The following CCSER2 variants were observed in gnomAD, a reference collection of about 807,000 sequenced individuals.
The protein encoded by CCSER2 is serine-rich coiled-coil domain-containing protein 2.
Under a neutral mutation model 92.3 loss-of-function variants are expected in CCSER2, and 46 were observed. The ratio of observed to expected loss-of-function variants is 0.50; its 90% CI spans 0.39 to 0.64. The LOEUF is 0.64. Among genes scored for constraint, CCSER2 ranks in the 30% least tolerant of loss-of-function variants. The pLI is 0.00. For synonymous variants in CCSER2, 433 were observed against 431.4 expected, an observed-to-expected ratio of 1.00 and a Z score of -0.04; for missense variants, 1,244 against 1,238.9, an observed-to-expected ratio of 1.00 and a Z score of -0.06.
chr10:84,424,665 G>T (rs1043041772), intron 4 of CCSER2, among the ~76,000 whole-genome samples: 2 of 145,320 alleles, frequency 1.4e-5, no homozygotes, highest in Non-Finnish European at 3.0e-5. Flanking sequence ...AATAAGCGAG[G>T]TTTTTTTTTT....
intron 3 of CCSER2, among the ~76,000 whole-genome samples, chr10:84,409,865 T>A (rs1322471421): frequency 6.6e-6 from 1 of 152,192 alleles, no homozygotes; most frequent in Non-Finnish European, 1.5e-5. Flanking sequence ...ATCATCCAGG[T>A]ATTAAGCCCA....
chr10:84,344,225 G>A (rs1028402828), intron 1 of CCSER2, among the ~76,000 whole-genome samples: 3 of 152,042 alleles, frequency 2.0e-5, no homozygotes, highest in South Asian at 2.1e-4. Context: ...TATTTGTGCC[G>A]TCAAAGAAAA....
At chr10:84,401,490 T>C (rs1842117971) in intron 3 of CCSER2, among the ~76,000 whole-genome samples, 1 of 152,168 alleles carries the variant, frequency 6.6e-6, no homozygotes, top group Non-Finnish European at 1.5e-5. Flanking sequence ...TTCACCCAAG[T>C]TGAAATAGAT....
chr10:84,481,012 T>C (rs1263246572), intron 9 of CCSER2, among the ~76,000 whole-genome samples: 2 of 152,234 alleles, frequency 1.3e-5, no homozygotes, highest in African/African-American at 4.8e-5. Context: ...CAGTTTTTTT[T>C]CTGAAAGGTT....
chr10:84,447,034 T>G (rs1405519951), intron 6 of CCSER2, among the ~76,000 whole-genome samples: 1 of 152,016 alleles, frequency 6.6e-6, no homozygotes, highest in Non-Finnish European at 1.5e-5. Context: ...TTCCAGTTTT[T>G]TTTTTTTTGA....
At chr10:84,434,498 T>C (rs1843986486) in intron 5 of CCSER2, among the ~76,000 whole-genome samples, 1 of 152,202 alleles carries the variant, frequency 6.6e-6, no homozygotes, top group South Asian at 2.1e-4. Context: ...TCACTTTTAA[T>C]TTATTGTCAG....
chr10:84,473,614 G>C (rs1846950991), intron 8 of CCSER2, among the ~76,000 whole-genome samples: 1 of 152,146 alleles, frequency 6.6e-6, no homozygotes, highest in Non-Finnish European at 1.5e-5. Context: ...CAAACCAAGA[G>C]AGTTTTAACA....
At chr10:84,428,863 T>C (rs1329001301) in intron 5 of CCSER2, among the ~76,000 whole-genome samples, 1 of 151,940 alleles carries the variant, frequency 6.6e-6, no homozygotes, top group Non-Finnish European at 1.5e-5. Flanking sequence ...GAGATAATCT[T>C]TTTTTTCCGC....
At chr10:84,466,625 C>T (rs1467849205) in intron 7 of CCSER2, among the ~76,000 whole-genome samples, 4 of 151,610 alleles carry the variant, frequency 2.6e-5, no homozygotes, top group African/African-American at 7.3e-5. Flanking sequence ...CTGCCTCAGC[C>T]TCCCGAGTGG....
At chr10:84,380,183 A>G (rs1840818796) in intron 3 of CCSER2, among the ~76,000 whole-genome samples, 1 of 152,178 alleles carries the variant, frequency 6.6e-6, no homozygotes, top group Non-Finnish European at 1.5e-5. Context: ...CATTTTAATC[A>G]GTCTGGTGAG....
intron 3 of CCSER2, among the ~76,000 whole-genome samples, chr10:84,379,079 A>T (rs1429103285): frequency 2.0e-5 from 3 of 152,196 alleles, no homozygotes; most frequent in African/African-American, 7.2e-5. Flanking sequence ...ATGTAAAAGA[A>T]TTTGCCAGAA....
At chr10:84,416,915 C>T (rs771042022) in intron 3 of CCSER2, among the ~76,000 whole-genome samples, 2 of 151,828 alleles carry the variant, frequency 1.3e-5, no homozygotes, top group East Asian at 1.9e-4. Context: ...TGGGTGACAG[C>T]GAGACTCCGT....
At chr10:84,423,086 G>A (rs546388850) in intron 4 of CCSER2, among the ~76,000 whole-genome samples, 9 of 151,306 alleles carry the variant, frequency 5.9e-5, no homozygotes, top group South Asian at 2.1e-4. Flanking sequence ...TCTGGAAACC[G>A]AATTTGTCTC....
chr10:84,484,032 G>A (rs1248411553), intron 9 of CCSER2, among the ~76,000 whole-genome samples: 2 of 135,390 alleles, frequency 1.5e-5, no homozygotes, highest in Non-Finnish European at 3.1e-5. Context: ...GTCTCGCTCT[G>A]TCGTGATCCT....
intron 5 of CCSER2, among the ~76,000 whole-genome samples, chr10:84,431,723 A>C (rs1230273357): frequency 2.6e-5 from 4 of 152,208 alleles, no homozygotes; most frequent in Admixed American, 1.3e-4. Context: ...TGGACAACAG[A>C]GAGAGACCCT....
chr10:84,378,328 C>T (rs540703113), intron 3 of CCSER2, among the ~76,000 whole-genome samples: 4 of 151,590 alleles, frequency 2.6e-5, no homozygotes, highest in Non-Finnish European at 5.9e-5. Flanking sequence ...AACTACCTTT[C>T]CATTCTTAGA....
chr10:84,493,797 G>A (rs1418345877), intron 9 of CCSER2, among the ~76,000 whole-genome samples: 1 of 152,056 alleles, frequency 6.6e-6, no homozygotes, highest in Non-Finnish European at 1.5e-5. Flanking sequence ...CATTTATTGT[G>A]CACTTTATTT....
At chr10:84,467,007 T>C (rs985740983) in intron 7 of CCSER2, among the ~76,000 whole-genome samples, 1 of 152,210 alleles carries the variant, frequency 6.6e-6, no homozygotes. Flanking sequence ...TCCTCTACTT[T>C]CTTGTCATTA....
Position 84,332,554 on chromosome 10 carries a change from TC to T in CCSER2, c.-40+3747del, listed in dbSNP as rs1396606460. 2.0e-5 allele frequency among the ~76,000 whole-genome samples: 3 copies of T among 150,008 alleles called. No individual in the cohort carries two copies. In the East Asian group the frequency reaches 5.9e-4, roughly 30 times the overall value. The stretch of plus-strand genomic sequence containing the variant: ...CCTGGGTTCAAGCGATTCTCTTGCC[TC>T]AGCCTCCCCAGTAGCTGGGACTACA... On this transcript the variant is annotated intron_variant, in intron 1 of 9. Coordinates refer to ENST00000372088, the MANE Select transcript of CCSER2 (RefSeq NM_001284240.2).
Sources: gnomAD v4.1 joint callset for allele counts (sites outside exome capture counted in the v4.1 genomes callset) on GRCh38, gnomAD v4.1.1 for gene constraint, MANE v1.5 for transcripts, NCBI Gene and HGNC (gene_info 2026-07-23, HGNC 2026-07-21) for gene names.